CDH13: variants seen among roughly 807,000 people sequenced by gnomAD.
The protein encoded by CDH13 is cadherin 13.
In CDH13, 24 loss-of-function variants were observed where a neutral mutation model predicts 63.8. The ratio of observed to expected loss-of-function variants is 0.38; its 90% confidence interval spans 0.27 to 0.53. The LOEUF (loss-of-function observed/expected upper bound fraction) is 0.53. Among genes scored for constraint, CDH13 ranks in the 20% least tolerant of loss-of-function variants. CDH13 has a pLI of 0.85. For missense variants in CDH13, 1,049 were observed against 903.1 expected, an observed-to-expected ratio of 1.16 and a Z score of -2.07; for synonymous variants, 503 against 355.3, an observed-to-expected ratio of 1.42 and a Z score of -4.67.
intron 1 of CDH13, among the ~76,000 whole-genome samples, chr16:82,839,432 G>A (rs1353762768): frequency 6.6e-6 from 1 of 152,124 alleles, no homozygotes; most frequent in Non-Finnish European, 1.5e-5. Context: ...ATTTCCTGCT[G>A]GGATTAAGAT....
intron 1 of CDH13, among the ~76,000 whole-genome samples, chr16:82,685,307 GGTGCCATCTAGCCGT>G (rs1324572025): frequency 6.6e-6 from 1 of 152,184 alleles, no homozygotes; most frequent in Admixed American, 6.5e-5. Flanking sequence ...CCTCATCCAT[GGTGCCATCTAGCCGT>G]GTCCTCACTT....
intron 4 of CDH13, among the ~76,000 whole-genome samples, chr16:83,168,618 C>T (rs553587722): frequency 4.0e-5 from 6 of 151,084 alleles, no homozygotes; most frequent in East Asian, 3.9e-4. Flanking sequence ...TTAAAAAAAA[C>T]GAACTTGTAA....
At chr16:83,346,104 G>A (rs550752652) in intron 6 of CDH13, among the ~76,000 whole-genome samples, 65 of 152,314 alleles carry the variant, frequency 4.3e-4, no homozygotes, top group African/African-American at 1.5e-3. Flanking sequence ...GGGCAAGAGC[G>A]ACCCTCTTCC....
chr16:83,420,422 C>G (rs1048769473), intron 6 of CDH13, among the ~76,000 whole-genome samples: 1 of 152,126 alleles, frequency 6.6e-6, no homozygotes, highest in Non-Finnish European at 1.5e-5. Context: ...GGACAGCTCC[C>G]TAGAAAGCTT....
intron 10 of CDH13, among the ~76,000 whole-genome samples, chr16:83,682,305 G>C (rs548394636): frequency 1.3e-5 from 2 of 152,250 alleles, no homozygotes; most frequent in South Asian, 2.1e-4. Context: ...TTCATAAGGA[G>C]GTGGGAAGAG....
At chr16:83,262,122 C>T (rs1907067587) in intron 5 of CDH13, among the ~76,000 whole-genome samples, 3 of 152,172 alleles carry the variant, frequency 2.0e-5, no homozygotes, top group Non-Finnish European at 4.4e-5. Flanking sequence ...GGAAGACACA[C>T]AACTGGCTTA....
intron 1 of CDH13, among the ~76,000 whole-genome samples, chr16:82,689,725 G>T (rs553437540): frequency 6.6e-6 from 1 of 151,988 alleles, no homozygotes; most frequent in African/African-American, 2.4e-5. Flanking sequence ...AGAGTGCCAG[G>T]CCTCACATTT....
intron 7 of CDH13, among the ~76,000 whole-genome samples, chr16:83,545,460 C>T (rs1294831548): frequency 6.6e-6 from 1 of 152,214 alleles, no homozygotes; most frequent in Non-Finnish European, 1.5e-5. Context: ...ACATCTTTCT[C>T]ATGCTTAAAG....
chr16:83,258,325 G>T (rs1005412380), intron 5 of CDH13, among the ~76,000 whole-genome samples: 1 of 152,142 alleles, frequency 6.6e-6, no homozygotes, highest in Non-Finnish European at 1.5e-5. Flanking sequence ...TATTGGAAAT[G>T]GCCTGCTTTA....
At chr16:83,091,529 G>A (rs1186058293) in intron 3 of CDH13, among the ~76,000 whole-genome samples, 1 of 152,132 alleles carries the variant, frequency 6.6e-6, no homozygotes, top group Non-Finnish European at 1.5e-5. Flanking sequence ...TCATTCCTTG[G>A]GGAGGGTACT....
intron 4 of CDH13, among the ~76,000 whole-genome samples, chr16:83,216,418 A>ATG (rs2039520359): frequency 1.1e-5 from 1 of 93,152 alleles, no homozygotes; most frequent in African/African-American, 4.0e-5. Context: ...ATATATATAT[A>ATG]TATATATATA....
intron 1 of CDH13, among the ~76,000 whole-genome samples, chr16:82,818,830 C>A (rs746745966): frequency 2.6e-5 from 4 of 152,118 alleles, no homozygotes; most frequent in South Asian, 2.1e-4. Context: ...CATACAAACA[C>A]CAAGTCTGCT....
intron 7 of CDH13, among the ~76,000 whole-genome samples, chr16:83,516,352 T>C (rs577782289): frequency 1.3e-5 from 2 of 152,366 alleles, no homozygotes; most frequent in Non-Finnish European, 2.9e-5. Context: ...GGCTTTCATG[T>C]CATCTCTCTT....
chr16:82,938,916 GTTGA>G (rs1443608971), intron 2 of CDH13, among the ~76,000 whole-genome samples: 1 of 152,140 alleles, frequency 6.6e-6, no homozygotes, highest in Non-Finnish European at 1.5e-5. Flanking sequence ...GAAAAAGGGT[GTTGA>G]TTTGGGAACA....
At chr16:82,957,024 CT>C (rs1307155554) in intron 2 of CDH13, among the ~76,000 whole-genome samples, 1 of 152,132 alleles carries the variant, frequency 6.6e-6, no homozygotes, top group Non-Finnish European at 1.5e-5. Flanking sequence ...GAAGCTGAAT[CT>C]TTAAAACCTG....
intron 5 of CDH13, among the ~76,000 whole-genome samples, chr16:83,249,809 C>A (rs563127803): frequency 6.6e-6 from 1 of 152,324 alleles, no homozygotes; most frequent in South Asian, 2.1e-4. Flanking sequence ...GAAGCTTTGA[C>A]GTTGGTGTTA....
At chr16:82,818,641 A>C (rs1398251197) in intron 1 of CDH13, among the ~76,000 whole-genome samples, 3 of 152,184 alleles carry the variant, frequency 2.0e-5, no homozygotes, top group African/African-American at 7.2e-5. Context: ...AGAGGTGCTC[A>C]AAAGGCCCAC....
At chr16:82,731,898 A>G (rs762026950) in intron 1 of CDH13, among the ~76,000 whole-genome samples, 14 of 152,190 alleles carry the variant, frequency 9.2e-5, no homozygotes, top group Non-Finnish European at 2.1e-4. Flanking sequence ...CCAGAATATC[A>G]CTGCTTGAAT....
At chr16:83,020,392 C>G (rs1050491377) in intron 2 of CDH13, among the ~76,000 whole-genome samples, 14 of 152,164 alleles carry the variant, frequency 9.2e-5, no homozygotes, top group African/African-American at 3.4e-4. Context: ...GGCCTCCCCA[C>G]TGCCCTCTGT....
Sources: gnomAD v4.1 joint callset for allele counts (sites outside exome capture counted in the v4.1 genomes callset) on GRCh38, gnomAD v4.1.1 for gene constraint, MANE v1.5 for transcripts, NCBI Gene and HGNC (gene_info 2026-07-23, HGNC 2026-07-21) for gene names.